The following CABLES1 variants were observed in gnomAD, a reference collection of about 807,000 sequenced individuals.
CABLES1 encodes Cdk5 and Abl enzyme substrate 1.
CABLES1 carries 36 observed loss-of-function variants against 57.8 expected under a neutral mutation model. That is an observed-to-expected ratio of 0.62 (90% CI 0.48 to 0.82). The LOEUF is 0.82. CABLES1 is among the 40% of genes least tolerant of loss of function. CABLES1 has a pLI of 0.00. For synonymous variants in CABLES1, 374 were observed against 363.0 expected (o/e 1.03, Z -0.35); for missense variants, 767 against 836.6 (o/e 0.92, Z 1.03).
At chr18:23,167,719 A>G (rs1359101363) in intron 1 of CABLES1, among the ~76,000 whole-genome samples, 4 of 125,734 alleles carry the variant, frequency 3.2e-5, no homozygotes, top group Non-Finnish European at 4.9e-5. Context: ...CCGGGAGGCC[A>G]TGGGAGCAAG....
At chr18:23,181,827 T>G (rs1487988927) in intron 1 of CABLES1, among the ~76,000 whole-genome samples, 1 of 152,208 alleles carries the variant, frequency 6.6e-6, no homozygotes, top group Non-Finnish European at 1.5e-5. Flanking sequence ...AATGACAAGC[T>G]TTTGGGTGTC....
At chr18:23,145,330 T>C (rs773176870) in intron 1 of CABLES1, among the ~76,000 whole-genome samples, 1 of 152,126 alleles carries the variant, frequency 6.6e-6, no homozygotes, top group Non-Finnish European at 1.5e-5. Flanking sequence ...CTTGACCTTG[T>C]GATCCACCCG....
intron 7 of CABLES1, among the ~76,000 whole-genome samples, chr18:23,250,571 C>T (rs1294933374): frequency 2.6e-5 from 4 of 152,208 alleles, no homozygotes; most frequent in Non-Finnish European, 5.9e-5. Context: ...GGAAATAAAC[C>T]TGTCTTGGAG....
At chr18:23,202,711 G>A (rs1171893357) in intron 3 of CABLES1, among the ~76,000 whole-genome samples, 11 of 151,804 alleles carry the variant, frequency 7.2e-5, no homozygotes, top group Non-Finnish European at 1.5e-4. Context: ...CTCGGCCAGG[G>A]CGTGGTGGCT....
At chr18:23,209,271 T>A (rs1433733174) in intron 3 of CABLES1, among the ~76,000 whole-genome samples, 1 of 152,200 alleles carries the variant, frequency 6.6e-6, no homozygotes, top group Non-Finnish European at 1.5e-5. Flanking sequence ...AAAAACATAG[T>A]ACATACAGGC....
chr18:23,150,552 G>A (rs1248292142), intron 1 of CABLES1, among the ~76,000 whole-genome samples: 2 of 152,142 alleles, frequency 1.3e-5, no homozygotes, highest in Admixed American at 1.3e-4. Context: ...AAGCAGATTT[G>A]TGGACAGCCT....
At chr18:23,140,760 A>G (rs1389843162) in intron 1 of CABLES1, among the ~76,000 whole-genome samples, 1 of 152,136 alleles carries the variant, frequency 6.6e-6, no homozygotes, top group Admixed American at 6.5e-5. Context: ...AAAAAATAGC[A>G]TGAGGGTTTT....
At chr18:23,137,233 C>A (rs4459649) in intron 1 of CABLES1, among the ~76,000 whole-genome samples, 1,850 of 152,240 alleles carry the variant, frequency 0.012, 47 homozygotes, top group African/African-American at 0.042. Context: ...TTTTCCTATT[C>A]CAAGATGAAT....
intron 4 of CABLES1, among the ~76,000 whole-genome samples, chr18:23,218,978 C>T (rs962760542): frequency 6.6e-6 from 1 of 152,154 alleles, no homozygotes; most frequent in Non-Finnish European, 1.5e-5. Context: ...GACCAACACC[C>T]ACAATTATAG....
At chr18:23,147,636 G>T (rs1327124962) in intron 1 of CABLES1, among the ~76,000 whole-genome samples, 2 of 152,258 alleles carry the variant, frequency 1.3e-5, no homozygotes, top group Non-Finnish European at 2.9e-5. Flanking sequence ...AATCAGAGCA[G>T]CAGAGAGAAA....
chr18:23,146,124 A>G (rs558169196), intron 1 of CABLES1, among the ~76,000 whole-genome samples: 5 of 152,368 alleles, frequency 3.3e-5, no homozygotes, highest in African/African-American at 1.2e-4. Flanking sequence ...CACTTTACTC[A>G]TTGACCAAAT....
chr18:23,159,356 C>G (rs2046987156), intron 1 of CABLES1, among the ~76,000 whole-genome samples: 1 of 152,336 alleles, frequency 6.6e-6, no homozygotes, highest in African/African-American at 2.4e-5. Flanking sequence ...CCCAGAGTTC[C>G]TATGAGTATT....
chr18:23,136,797 G>T (rs1412605754), intron 1 of CABLES1, among the ~76,000 whole-genome samples, 190 bp downstream of exon 1: 4 of 152,242 alleles, frequency 2.6e-5, no homozygotes, highest in African/African-American at 9.6e-5. Flanking sequence ...GGAGTGCGGG[G>T]TTACACGTGT....
intron 4 of CABLES1, among the ~76,000 whole-genome samples, chr18:23,215,899 G>A (rs760844797): frequency 4.0e-4 from 61 of 151,956 alleles, no homozygotes; most frequent in Non-Finnish European, 1.9e-4. Flanking sequence ...GACTGCAGGC[G>A]CCTGCCACCA....
chr18:23,145,713 T>G (rs2046887925), intron 1 of CABLES1, among the ~76,000 whole-genome samples: 1 of 152,218 alleles, frequency 6.6e-6, no homozygotes, highest in Non-Finnish European at 1.5e-5. Context: ...TTTTTATGTT[T>G]GTTTGATTTT....
At chr18:23,248,157 G>T (rs2047945078) in intron 7 of CABLES1, among the ~76,000 whole-genome samples, 1 of 152,248 alleles carries the variant, frequency 6.6e-6, no homozygotes, top group Non-Finnish European at 1.5e-5. Context: ...GCTCTCAGGG[G>T]TCCTCTAAAT....
At chr18:23,206,351 C>T (rs1359230884) in intron 3 of CABLES1, among the ~76,000 whole-genome samples, 5 of 152,398 alleles carry the variant, frequency 3.3e-5, no homozygotes, top group South Asian at 2.1e-4. Flanking sequence ...ATGCCACCCT[C>T]AGCTACGCTG....
In CABLES1 at chr18:23,135,978, C is replaced by G; in HGVS notation, c.216C>G (p.Ile72Met). The change falls in exon 1 of 10, where the codon ATC (isoleucine) becomes ATG (methionine). Residue 72 changes from isoleucine to methionine, a missense_variant. Ile to Met is a conservative substitution (Grantham distance 10, BLOSUM62 1). Transcript: ENST00000256925. ...RQAALSFLTNISLDGRLPPQD... is the reference protein window; with the variant it reads ...RQAALSFLTNMSLDGRLPPQD... ...CTGCCCTCTCCTTCCTCACCAACAT[C>G]TCGCTGGACGGCCGGCTGCCGCCGC... 8.8e-7 allele frequency: 1 copy of G among 1,139,572 alleles called. No individual in the cohort carries two copies. The highest frequency in any genetic ancestry group is 1.1e-6 in the Non-Finnish European group (1 of 928,650). The allele number at this position is 1,139,572 out of a possible 1,614,324, so 70.6% of individuals were successfully genotyped here.
At chr18:23,168,487 C>G (rs2047059136) in intron 1 of CABLES1, among the ~76,000 whole-genome samples, 1 of 152,100 alleles carries the variant, frequency 6.6e-6, no homozygotes, top group Non-Finnish European at 1.5e-5. Context: ...GTATTCTTCA[C>G]TAGGTGCAGA....
Sources: allele counts gnomAD v4.1 joint callset (sites outside exome capture counted in the v4.1 genomes callset), GRCh38; gene constraint gnomAD v4.1.1; transcripts MANE v1.5; gene names NCBI Gene and HGNC (gene_info 2026-07-23, HGNC 2026-07-21).